UBE2D1: variants seen among roughly 807,000 people sequenced by gnomAD.
The protein encoded by UBE2D1 is ubiquitin conjugating enzyme E2 D1.
Under a neutral mutation model 24.6 loss-of-function variants are expected in UBE2D1, and 9 were observed. That is an observed-to-expected ratio of 0.37 (90% CI 0.22 to 0.64). The LOEUF is 0.64. UBE2D1 is among the 30% of genes least tolerant of loss of function. The pLI is 0.64. For synonymous variants in UBE2D1, 57 were observed against 57.6 expected (o/e 0.99, Z 0.04); for missense variants, 87 against 177.1 (o/e 0.49, Z 2.89).
At chr10:58,349,054 T>G (rs1021125012) in intron 1 of UBE2D1, among the ~76,000 whole-genome samples, 1 of 152,220 alleles carries the variant, frequency 6.6e-6, no homozygotes, top group Non-Finnish European at 1.5e-5. Flanking sequence ...TCTTTGTGTC[T>G]CGTTGTTTAT....
At chr10:58,366,260 A>T (rs774388824) in intron 5 of UBE2D1, among the ~76,000 whole-genome samples, 1 of 152,236 alleles carries the variant, frequency 6.6e-6, no homozygotes, top group Non-Finnish European at 1.5e-5. Flanking sequence ...AAGAATCAGT[A>T]GTGTTAGATT....
chr10:58,362,052 C>A (rs1257745836), intron 3 of UBE2D1, among the ~76,000 whole-genome samples: 2 of 152,100 alleles, frequency 1.3e-5, no homozygotes, highest in East Asian at 1.9e-4. Context: ...GTCCTAAACA[C>A]AAAATTATCT....
chr10:58,368,543 A>T (rs1840281651), intron 6 of UBE2D1, 177 bp from the exon 7 acceptor site: 1 of 384,898 alleles, frequency 2.6e-6, no homozygotes, highest in Non-Finnish European at 4.6e-6. Flanking sequence ...ATGAGTTAAA[A>T]AATTATTTTT....
In UBE2D1 at chr10:58,361,400, C is replaced by CTG; in HGVS notation, c.88+1_88+2dup. On this transcript the variant is annotated frameshift_variant and splice_region_variant, in exon 2 of 7. Coordinates refer to ENST00000373910, the MANE Select transcript of UBE2D1 (RefSeq NM_003338.5). LOFTEE classifies it high-confidence loss of function. ...GTTCAGCTGGACCTGTGGGAGATGA[C>CTG]TGTAAGCCTTGCTCTATTTCTGGGA... 6.2e-7 allele frequency: 1 copy of CTG among 1,614,210 alleles called. No homozygotes were observed. The highest frequency in any genetic ancestry group is 8.5e-7 in the Non-Finnish European group (1 of 1,180,042).
chr10:58,364,986 C>A, intron 5 of UBE2D1, 110 bp downstream of exon 5: 1 of 857,022 alleles, frequency 1.2e-6, no homozygotes, highest in East Asian at 2.7e-5. Flanking sequence ...GTGCTTTCTC[C>A]TGTTTTGATT....
rs118041416 is a variant in UBE2D1 at position 58,346,597 on chromosome 10, G to A, written c.24+11372G>A. On this transcript the variant is annotated intron_variant, in intron 1 of 6. Coordinates refer to ENST00000373910, the MANE Select transcript of UBE2D1 (RefSeq NM_003338.5). ...TTCTGCCGAAAAGGAAGCCATGTTT[G>A]CAACTAAAGGCAAGATTAAAAGTCA... 4.5e-4 allele frequency among the ~76,000 whole-genome samples: 68 copies of A among 152,302 alleles called. 1 individual carries two copies. The East Asian group carries it at 0.013, about 29-fold the overall frequency.
Position 58,357,658 on chromosome 10 carries a change from C to G in UBE2D1, c.25-3680C>G, listed in dbSNP as rs190529036. Among the ~76,000 whole-genome samples the G allele has an allele frequency of 1.5e-3, 222 of 152,208 alleles. 3 individuals carry two copies. The South Asian group carries it at 0.019, about 13-fold the overall frequency. On this transcript the variant is annotated intron_variant, in intron 1 of 6. Transcript: ENST00000373910. ...TTTTGTTTTCTGTAGGTCATTCTAT[C>G]TGCACATACGCATCCTAGTTTCAGT...
intron 1 of UBE2D1, among the ~76,000 whole-genome samples, chr10:58,338,389 A>G (rs1281877356): frequency 6.6e-6 from 1 of 152,180 alleles, no homozygotes; most frequent in Non-Finnish European, 1.5e-5. Context: ...AAATTTACAC[A>G]CCCATGCCCT....
chr10:58,341,007 C>G (rs1279649661), intron 1 of UBE2D1, among the ~76,000 whole-genome samples: 1 of 152,198 alleles, frequency 6.6e-6, no homozygotes, highest in African/African-American at 2.4e-5. Flanking sequence ...TGACACATTG[C>G]TCAAATGTGT....
intron 3 of UBE2D1, 88 bp downstream of exon 3, chr10:58,361,614 G>T: frequency 2.6e-6 from 4 of 1,556,308 alleles, no homozygotes; most frequent in Non-Finnish European, 3.5e-6. Context: ...TTGTGATGAA[G>T]GTTGAATATT....
At chr10:58,351,529 G>A (rs539102044) in intron 1 of UBE2D1, among the ~76,000 whole-genome samples, 7 of 152,180 alleles carry the variant, frequency 4.6e-5, no homozygotes, top group African/African-American at 1.7e-4. Context: ...TCCACATTTT[G>A]TCCCACTGGA....
chr10:58,338,124 G>A (rs1338081039), intron 1 of UBE2D1, among the ~76,000 whole-genome samples: 1 of 152,106 alleles, frequency 6.6e-6, no homozygotes, highest in Non-Finnish European at 1.5e-5. Context: ...TAGGATTATA[G>A]GTGTGAGCCA....
chr10:58,336,576 A>G (rs1839905704), intron 1 of UBE2D1, among the ~76,000 whole-genome samples: 1 of 152,222 alleles, frequency 6.6e-6, no homozygotes, highest in South Asian at 2.1e-4. Context: ...GTTAACAATC[A>G]GCATCAGCAT....
intron 1 of UBE2D1, among the ~76,000 whole-genome samples, chr10:58,336,580 T>G (rs1468287008): frequency 6.6e-6 from 1 of 152,214 alleles, no homozygotes; most frequent in African/African-American, 2.4e-5. Flanking sequence ...ACAATCAGCA[T>G]CAGCATTTAT....
Position 58,335,169 on chromosome 10 carries a change from G to A in UBE2D1, c.-33G>A. On this transcript the variant is annotated 5_prime_UTR_variant, in exon 1 of 7. Transcript: ENST00000373910. ...CCCCTGAGCCCCGCAGCCGACCCCT[G>A]CCGGCCGGTGTCCCCACCGCCATCC... The A allele has an allele frequency of 6.5e-7, 1 of 1,541,546 alleles. No homozygotes were observed. Among genetic ancestry groups the A allele is most frequent in the Non-Finnish European group, 8.7e-7 (1 of 1,146,802 alleles).
intron 1 of UBE2D1, among the ~76,000 whole-genome samples, chr10:58,348,979 TG>T (rs1428561328): frequency 6.6e-6 from 1 of 152,306 alleles, no homozygotes; most frequent in South Asian, 2.1e-4. Context: ...CAGCATATTG[TG>T]GGGGTGTTAT....
At chr10:58,360,839 C>T (rs751793676) in intron 1 of UBE2D1, 6 of 376,112 alleles carry the variant, frequency 1.6e-5, no homozygotes, top group South Asian at 6.0e-5. Flanking sequence ...GTGGGAGGAT[C>T]GCTTAGGCCC....
At chr10:58,358,059 A>ATGTC (rs778354707) in intron 1 of UBE2D1, among the ~76,000 whole-genome samples, 4 of 152,070 alleles carry the variant, frequency 2.6e-5, no homozygotes, top group Non-Finnish European at 1.5e-5. Flanking sequence ...TAATATTTTA[A>ATGTC]AGGGTTTTGA....
chr10:58,335,075 C>A lies in UBE2D1; in HGVS notation c.-127C>A. ...CCGGCGCCCGGAGCGAGCCAGGGAG[C>A]GGCTAACCGGGGACCCACCGCGCGG... On this transcript the variant is annotated 5_prime_UTR_variant, in exon 1 of 7. Transcript: ENST00000373910. 2 of 994,316 alleles carry A rather than the reference C, an allele frequency of 2.0e-6. No homozygotes were observed. The highest frequency in any genetic ancestry group is 3.0e-6 in the Non-Finnish European group (2 of 673,834). The allele number at this position is 994,316 out of a possible 1,614,324, so 61.6% of individuals were successfully genotyped here.
Sources: gnomAD v4.1 joint callset for allele counts (sites outside exome capture counted in the v4.1 genomes callset) on GRCh38, gnomAD v4.1.1 for gene constraint, MANE v1.5 for transcripts, NCBI Gene and HGNC (gene_info 2026-07-23, HGNC 2026-07-21) for gene names.